RHOBTB3: variants seen among roughly 807,000 people sequenced by gnomAD.
RHOBTB3 encodes Rho related BTB domain containing 3.
A neutral mutation model predicts 67.2 loss-of-function variants in RHOBTB3; 47 were observed. The ratio of observed to expected loss-of-function variants is 0.70; its 90% CI spans 0.55 to 0.89. The LOEUF (loss-of-function observed/expected upper bound fraction) is 0.89. Ranked by LOEUF, RHOBTB3 falls within the 40% of genes least tolerant of loss-of-function variation. RHOBTB3 has a pLI of 0.00. For missense variants in RHOBTB3, 631 were observed against 750.0 expected (o/e 0.84, Z 1.85); for synonymous variants, 273 against 274.2 (o/e 1.00, Z 0.04).
intron 8 of RHOBTB3, among the ~76,000 whole-genome samples, chr5:95,776,107 A>G (rs1269927657): frequency 6.6e-6 from 1 of 152,216 alleles, no homozygotes; most frequent in African/African-American, 2.4e-5. Flanking sequence ...ATGATTATCT[A>G]TCTAAATGTA....
chr5:95,734,359 G>A (rs34893), intron 2 of RHOBTB3, among the ~76,000 whole-genome samples: 1 of 151,924 alleles, frequency 6.6e-6, no homozygotes, highest in Non-Finnish European at 1.5e-5. Flanking sequence ...GCATAACCCC[G>A]AGAGGAAACC....
intron 8 of RHOBTB3, among the ~76,000 whole-genome samples, chr5:95,775,842 T>G (rs11956752): frequency 0.015 from 2,328 of 152,272 alleles, 58 homozygotes; most frequent in African/African-American, 0.053. Flanking sequence ...TATTTTAAAT[T>G]TATGTCAAAC....
upstream of RHOBTB3, among the ~76,000 whole-genome samples, chr5:95,727,126 TG>T (rs764915292): frequency 6.6e-6 from 1 of 152,164 alleles, no homozygotes; most frequent in Non-Finnish European, 1.5e-5. Context: ...TTAATGAAAA[TG>T]AATATGAAAC....
intron 10 of RHOBTB3, among the ~76,000 whole-genome samples, chr5:95,788,069 A>G (rs1459171570): frequency 1.3e-5 from 2 of 152,256 alleles, no homozygotes; most frequent in Non-Finnish European, 2.9e-5. Context: ...TCATGTGCCA[A>G]AGTTGCCTGC....
At chr5:95,767,677 A>G (rs1745588312) in intron 7 of RHOBTB3, 4 of 597,548 alleles carry the variant, frequency 6.7e-6, no homozygotes, top group Non-Finnish European at 1.2e-5. Context: ...GTCTTAATGA[A>G]CAAATTAGGT....
Position 95,793,457 on chromosome 5 carries a change from C to A in RHOBTB3, c.*283C>A. 8.0e-6 allele frequency: 2 copies of A among 248,850 alleles called. No homozygotes were observed. Among genetic ancestry groups the A allele is most frequent in the Non-Finnish European group, 1.5e-5 (2 of 131,764 alleles). The allele number at this position is 248,850 out of a possible 1,614,324, so 15.4% of individuals were successfully genotyped here. ...TCCTGTTGCTTTAGTGATATTTAGA[C>A]CCCTCTCAGTTAAGAAATGCTTAGA... On this transcript the variant is annotated 3_prime_UTR_variant, in exon 12 of 12. Transcript: ENST00000379982.
upstream of RHOBTB3, among the ~76,000 whole-genome samples, chr5:95,727,968 A>G (rs1755106078): frequency 6.6e-6 from 1 of 152,222 alleles, no homozygotes; most frequent in African/African-American, 2.4e-5. Context: ...AATAGCTTCA[A>G]ACACCTGGCT....
At chr5:95,734,802 T>C (rs1445778675) in intron 2 of RHOBTB3, among the ~76,000 whole-genome samples, 1 of 152,222 alleles carries the variant, frequency 6.6e-6, no homozygotes, top group African/African-American at 2.4e-5. Flanking sequence ...ACAAATTAAG[T>C]ATTTATAGTC....
Position 95,755,417 on chromosome 5 carries a change from C to A in RHOBTB3, c.704C>A (p.Ala235Asp). ...EQPEKMPVLK[A>D]EASHYNSDLN... ...ACAGAAAAAATGCCTGTCTTAAAGG[C>A]TGAAGCGTCACATTATAACTCTGAC... The change falls in exon 6 of 12, where the codon GCT becomes GAT. Residue 235 changes from alanine (A) to aspartate (D), a missense_variant. Coordinates refer to ENST00000379982, the MANE Select transcript of RHOBTB3 (RefSeq NM_014899.4). 6.3e-7 allele frequency: 1 copy of A among 1,575,038 alleles called. No individual in the cohort carries two copies. The highest frequency in any genetic ancestry group is 8.6e-7 in the Non-Finnish European group (1 of 1,162,256).
chr5:95,770,048 G>A, intron 8 of RHOBTB3: 1 of 356,472 alleles, frequency 2.8e-6, no homozygotes, highest in South Asian at 2.5e-5. Flanking sequence ...AAAAGTTGGA[G>A]AGGTCATTGG....
chr5:95,734,197 C>T (rs1755391254), intron 2 of RHOBTB3, among the ~76,000 whole-genome samples: 1 of 152,166 alleles, frequency 6.6e-6, no homozygotes. Flanking sequence ...ATTTATACAA[C>T]TACAGTACCA....
chr5:95,777,855 G>A (rs568996873), intron 8 of RHOBTB3, among the ~76,000 whole-genome samples: 218 of 152,220 alleles, frequency 1.4e-3, no homozygotes, highest in Non-Finnish European at 1.5e-3. Flanking sequence ...AGTGGCTCAC[G>A]CCTGTAATGC....
upstream of RHOBTB3, among the ~76,000 whole-genome samples, chr5:95,728,997 A>T (rs1210213761): frequency 6.6e-6 from 1 of 152,220 alleles, no homozygotes; most frequent in Non-Finnish European, 1.5e-5. Context: ...AAGTTACCCT[A>T]TATGGTCTAA....
chr5:95,749,210 T>C (rs1336707809), intron 4 of RHOBTB3, among the ~76,000 whole-genome samples: 2 of 152,236 alleles, frequency 1.3e-5, no homozygotes, highest in Non-Finnish European at 2.9e-5. Context: ...AAATCTGATA[T>C]ACACGGATGA....
chr5:95,775,873 A>G (rs957727392), intron 8 of RHOBTB3, among the ~76,000 whole-genome samples: 1 of 152,206 alleles, frequency 6.6e-6, no homozygotes, highest in Non-Finnish European at 1.5e-5. Flanking sequence ...CCCTCAAAGT[A>G]AGGATCAGTA....
At position 95,755,686 on chromosome 5, in the gene RHOBTB3, C is replaced by G. The variant is rs1386637024; in HGVS notation, c.973C>G (p.Pro325Ala). Reference protein sequence around the residue: ...PGASHESSGNPPLRVIVKDAL... With the variant: ...PGASHESSGNAPLRVIVKDAL... ...TGCTAGCCATGAATCTTCAGGCAAC[C>G]CACCATTACGAGTCATTGTTAAAGA... is the stretch of plus-strand genomic sequence containing the variant. Residue 325 changes from proline to alanine, a missense_variant, in exon 6 of 12, where the codon CCA becomes GCA. Coordinates refer to ENST00000379982, the MANE Select transcript of RHOBTB3 (RefSeq NM_014899.4). 3.7e-6 allele frequency: 6 copies of G among 1,613,960 alleles called. No homozygotes were observed. The highest frequency in any genetic ancestry group is 4.2e-6 in the Non-Finnish European group (5 of 1,179,974).
intron 10 of RHOBTB3, among the ~76,000 whole-genome samples, chr5:95,786,715 G>T (rs184229184): frequency 1.3e-4 from 20 of 152,222 alleles, no homozygotes; most frequent in African/African-American, 4.8e-4. Context: ...TGAGTTTATG[G>T]GTATTTTCTC....
At position 95,722,124 on chromosome 5, in the gene RHOBTB3, A is replaced by G. The variant is rs574574895; in HGVS notation, n.133+4359A>G. Among the ~76,000 whole-genome samples the G allele has an allele frequency of 2.0e-5, 3 of 152,304 alleles. No homozygotes were observed. In the South Asian group the frequency reaches 6.2e-4, roughly 32 times the overall value. On this transcript the variant is annotated intron_variant and non_coding_transcript_variant, in intron 1 of 5. Transcript: ENST00000504949. ...TGAATAAAAAAGGAGAACATTTCTA[A>G]GCATATTTGTAAAACGTGCCAGCTG... is the stretch of plus-strand genomic sequence containing the variant.
chr5:95,730,976 C>T (rs1464396406), upstream of RHOBTB3: 19 of 552,390 alleles, frequency 3.4e-5, no homozygotes, highest in Middle Eastern at 9.1e-4. Context: ...CCCTAGCTTC[C>T]CTAACCTCCT....
Sources: gnomAD v4.1 joint callset for allele counts (sites outside exome capture counted in the v4.1 genomes callset) on GRCh38, gnomAD v4.1.1 for gene constraint, MANE v1.5 for transcripts, NCBI Gene and HGNC (gene_info 2026-07-23, HGNC 2026-07-21) for gene names.